RELN: variants seen among roughly 807,000 people sequenced by gnomAD.
RELN encodes reelin.
In RELN, 108 loss-of-function variants were observed where a neutral mutation model predicts 427.6. That is an observed-to-expected ratio of 0.25 (90% confidence interval 0.22 to 0.30). The LOEUF is 0.30. Ranked by LOEUF, RELN falls within the 10% of genes least tolerant of loss-of-function variation. The pLI is 1.00. For synonymous variants in RELN, 1,524 were observed against 1,513.4 expected (o/e 1.01, Z -0.16); for missense variants, 3,715 against 4,302.8 (o/e 0.86, Z 3.82).
intron 11 of RELN, among the ~76,000 whole-genome samples, chr7:103,675,210 T>C (rs1407885818): frequency 6.6e-6 from 1 of 152,160 alleles, no homozygotes; most frequent in African/African-American, 2.4e-5. Flanking sequence ...AAAATCAATG[T>C]GCAAAAATCA....
chr7:103,661,326 T>C (rs1436582334), intron 12 of RELN, 50 bp downstream of exon 12: 1 of 1,581,094 alleles, frequency 6.3e-7, no homozygotes, highest in East Asian at 2.2e-5. Flanking sequence ...GAATAGGTGC[T>C]GGCCTAGGAT....
chr7:103,629,642 A>T (rs987186174), intron 20 of RELN, among the ~76,000 whole-genome samples: 9 of 116,208 alleles, frequency 7.7e-5, no homozygotes, highest in Admixed American at 5.8e-4. Flanking sequence ...TTTTTTTTTT[A>T]AAATATGTAA....
intron 3 of RELN, among the ~76,000 whole-genome samples, chr7:103,832,541 G>A (rs1363529557): frequency 2.6e-5 from 4 of 152,144 alleles, no homozygotes; most frequent in African/African-American, 2.4e-5. Context: ...TCACGCATTC[G>A]AAGTTTAAAA....
chr7:103,757,674 T>C (rs1157907406), intron 4 of RELN, among the ~76,000 whole-genome samples: 1 of 152,118 alleles, frequency 6.6e-6, no homozygotes, highest in Non-Finnish European at 1.5e-5. Flanking sequence ...TTCTTCCAGG[T>C]ATTTCTGTGG....
chr7:103,819,488 T>G (rs39339), intron 3 of RELN, among the ~76,000 whole-genome samples: 25,999 of 152,042 alleles, frequency 0.17, 2,518 homozygotes, highest in Non-Finnish European at 0.21. Context: ...AAATAAAAGC[T>G]CGATTGAGAG....
At chr7:103,838,781 T>G (rs1284470658) in intron 2 of RELN, among the ~76,000 whole-genome samples, 1 of 152,208 alleles carries the variant, frequency 6.6e-6, no homozygotes, top group East Asian at 1.9e-4. Flanking sequence ...GCCTCCTGAT[T>G]CCTCAAAACC....
intron 3 of RELN, among the ~76,000 whole-genome samples, chr7:103,783,244 C>T: frequency 6.6e-6 from 1 of 150,604 alleles, no homozygotes; most frequent in East Asian, 1.9e-4. Flanking sequence ...ATCCTCCCAC[C>T]TTGCCCTCTC....
Position 103,603,586 on chromosome 7 carries a change from C to T in RELN, c.3147-96G>A. 2.2e-6 allele frequency: 2 copies of T among 922,178 alleles called. 1 individual carries two copies. Among genetic ancestry groups the T allele is most frequent in the South Asian group, 2.7e-5 (2 of 75,164 alleles). 57.1% of individuals were successfully genotyped at this position (922,178 alleles called of 1,614,324 possible). A position where few individuals can be genotyped will look rare whatever the true frequency, so the allele number is the denominator to read the frequency against. ...CCATTTCCCATGTCTTACTTTTGCT[C>T]AGGTCTTATCATTCACACTAGATTC... On this transcript the variant is annotated intron_variant, in intron 23 of 64. Coordinates refer to ENST00000428762, the MANE Select transcript of RELN (RefSeq NM_005045.4). This position sits in a 1 kb window ranked among gnomAD's most constrained non-coding sequence, Gnocchi z 4.3.
At chr7:103,817,662 G>C (rs1285122063) in intron 3 of RELN, among the ~76,000 whole-genome samples, 1 of 151,930 alleles carries the variant, frequency 6.6e-6, no homozygotes, top group African/African-American at 2.4e-5. Context: ...ATAGACTATA[G>C]AAGAAAAGGT....
chr7:103,833,819 T>G (rs1247618976), intron 2 of RELN, 147 bp from the exon 3 acceptor site: 15 of 760,748 alleles, frequency 2.0e-5, no homozygotes, highest in Non-Finnish European at 2.9e-5. Context: ...TTTTCACTTT[T>G]TATTGCTACA....
rs764158104 is a variant in RELN, at chr7:103,515,457, GGGGAA to G, written c.7863-21_7863-17del. ...ATTCACAAATCTATAGGAAAATGAT[GGGGAA>G]GGGTGTGGGGAAGAACCCTTGTCAA... On this transcript the variant is annotated splice_polypyrimidine_tract_variant and intron_variant, in intron 49 of 64. Coordinates refer to ENST00000428762, the MANE Select transcript of RELN (RefSeq NM_005045.4). 1.2e-5 allele frequency: 19 copies of G among 1,613,358 alleles called. No individual in the cohort carries two copies. In the East Asian group the frequency reaches 2.9e-4, roughly 25 times the overall value.
At chr7:103,706,585 A>T (rs1834206294) in intron 8 of RELN, among the ~76,000 whole-genome samples, 1 of 152,044 alleles carries the variant, frequency 6.6e-6, no homozygotes, top group Non-Finnish European at 1.5e-5. Flanking sequence ...CATGCTTTCG[A>T]CTTCTTCACT....
chr7:103,728,194 T>G lies in RELN; in HGVS notation c.670A>C (p.Asn224His), dbSNP rs794727867. Residue 224 changes from asparagine (N) to histidine (H), a missense_variant, in exon 7 of 65, where the codon AAC (asparagine) becomes CAC (histidine). This residue lies in a region of RELN where 2,208 missense variants were observed against 2,361.7 expected (regional missense o/e 0.93). Transcript: ENST00000428762. ...CCACACTGTTCTCCAGTCTCACAGT[T>G]GTTACATTCAACCCTGCAGGAAAAC... is the stretch of plus-strand genomic sequence containing the variant. ...LNPNIWVECN[N>H]CETGEQCGAI... is the part of the protein sequence containing the mutation. 1 of 1,613,784 alleles carries G rather than the reference T, an allele frequency of 6.2e-7. No homozygotes were observed. Among genetic ancestry groups the G allele is most frequent in the Non-Finnish European group, 8.5e-7 (1 of 1,179,848 alleles).
intron 1 of RELN, among the ~76,000 whole-genome samples, chr7:103,959,953 C>T (rs967058226): frequency 1.3e-5 from 2 of 152,132 alleles, no homozygotes; most frequent in African/African-American, 2.4e-5. Context: ...CTGACATCAC[C>T]ATGGTCTAAC....
chr7:103,812,913 C>A (rs1792778194), intron 3 of RELN, among the ~76,000 whole-genome samples: 1 of 152,204 alleles, frequency 6.6e-6, no homozygotes. Context: ...AAAATTGCTC[C>A]CTCTCTAGAC....
intron 51 of RELN, among the ~76,000 whole-genome samples, chr7:103,508,720 G>T (rs1221410669): frequency 6.6e-6 from 1 of 152,184 alleles, no homozygotes; most frequent in Non-Finnish European, 1.5e-5. Context: ...AATTGTCTCT[G>T]TTTGCAGATG....
intron 51 of RELN, among the ~76,000 whole-genome samples, chr7:103,510,309 TA>T (rs1829363759): frequency 6.6e-6 from 1 of 152,068 alleles, no homozygotes; most frequent in Non-Finnish European, 1.5e-5. Flanking sequence ...TATGCAACCA[TA>T]AAAAAGATGA....
In RELN at chr7:103,489,902, G is replaced by A. The variant is rs376550183; in HGVS notation, c.9606-3C>T. 2.8e-5 allele frequency: 45 copies of A among 1,613,996 alleles called. No individual in the cohort carries two copies. The highest frequency in any genetic ancestry group is 3.5e-5 in the Non-Finnish European group (41 of 1,180,018). ...GGATCCAGCGGAACTGTGTTGCACT[G>A]AAAGAACCACAGAGAGCAGAAGGGA... On this transcript the variant is annotated splice_region_variant and splice_polypyrimidine_tract_variant and intron_variant, in intron 59 of 64. Transcript: ENST00000428762.
intron 6 of RELN, 113 bp downstream of exon 6, chr7:103,749,313 G>C: frequency 2.4e-6 from 2 of 829,918 alleles, no homozygotes; most frequent in South Asian, 2.7e-5. Context: ...AAGTCTCACT[G>C]ATAGCTTAGC....
Sources: allele counts gnomAD v4.1 joint callset (sites outside exome capture counted in the v4.1 genomes callset), GRCh38; gene constraint gnomAD v4.1.1; regional missense constraint gnomAD v4.1.1; non-coding constraint Gnocchi (gnomAD v3.1); transcripts MANE v1.5; gene names NCBI Gene and HGNC (gene_info 2026-07-23, HGNC 2026-07-21).